TCERG1L: variants seen among roughly 807,000 people sequenced by gnomAD.
The protein encoded by TCERG1L is transcription elongation regulator 1 like, also known as transcription elongation regulator 1-like protein.
TCERG1L carries 37 observed loss-of-function variants against 56.3 expected under a neutral mutation model. That is an observed-to-expected ratio of 0.66 (90% confidence interval 0.51 to 0.87). The LOEUF (loss-of-function observed/expected upper bound fraction) is 0.87, where lower values mean the gene tolerates loss of function less well. Ranked by LOEUF, TCERG1L falls within the 40% of genes least tolerant of loss-of-function variation. The pLI is 0.00. For synonymous variants in TCERG1L, 324 were observed against 326.3 expected, an observed-to-expected ratio of 0.99 and a Z score of 0.08; for missense variants, 799 against 774.2, an observed-to-expected ratio of 1.03 and a Z score of -0.38.
At position 131,191,427 on chromosome 10, in the gene TCERG1L, A is replaced by T. The variant is rs117463142; in HGVS notation, c.857-24542T>A. ...AAAAAAGAGCCCAAATACCCAAAGCAATCCTAAGCAAAACAAACAAATCTG... is the reference window on the plus strand; with the variant it reads ...AAAAAAGAGCCCAAATACCCAAAGCTATCCTAAGCAAAACAAACAAATCTG... On this transcript the variant is annotated intron_variant, in intron 4 of 11. Transcript: ENST00000368642. 8.9e-3 allele frequency among the ~76,000 whole-genome samples: 1,280 copies of T among 144,122 alleles called. 149 individuals carry two copies. In the South Asian group the frequency reaches 0.1, roughly 11 times the overall value. 94.5% of individuals were successfully genotyped at this position (144,122 alleles called of 152,430 possible). A position where few individuals can be genotyped will look rare whatever the true frequency, so the allele number is the denominator to read the frequency against.
At chr10:131,279,219 T>C (rs1359417576) in intron 3 of TCERG1L, among the ~76,000 whole-genome samples, 1 of 152,062 alleles carries the variant, frequency 6.6e-6, no homozygotes, top group East Asian at 1.9e-4. Context: ...TTCCTTTCAA[T>C]TCCAAGCCGC....
At chr10:131,242,598 G>A (rs146498630) in intron 4 of TCERG1L, among the ~76,000 whole-genome samples, 1 of 152,294 alleles carries the variant, frequency 6.6e-6, no homozygotes, top group East Asian at 1.9e-4. Flanking sequence ...GGAAATGCTT[G>A]CAACCAGAAG....
At chr10:131,254,337 T>C in intron 4 of TCERG1L, among the ~76,000 whole-genome samples, 1 of 141,090 alleles carries the variant, frequency 7.1e-6, no homozygotes, top group East Asian at 2.2e-4. Context: ...TATTGATTTA[T>C]TTATTTATTT....
intron 8 of TCERG1L, among the ~76,000 whole-genome samples, chr10:131,130,895 A>C (rs1236516727): frequency 6.6e-6 from 1 of 152,094 alleles, no homozygotes; most frequent in Non-Finnish European, 1.5e-5. Context: ...GCATCCCTGC[A>C]GGGACGGGCA....
chr10:131,244,130 G>A (rs1414291567), intron 4 of TCERG1L, among the ~76,000 whole-genome samples: 1 of 152,194 alleles, frequency 6.6e-6, no homozygotes, highest in Non-Finnish European at 1.5e-5. Context: ...TCGCAAAAAC[G>A]CAAGACATAA....
At chr10:131,176,829 C>A (rs199954790) in intron 4 of TCERG1L, among the ~76,000 whole-genome samples, 1 of 13,904 alleles carries the variant, frequency 7.2e-5, no homozygotes, top group Admixed American at 7.6e-4. Flanking sequence ...CACACAGACA[C>A]GTGTACACAC....
intron 4 of TCERG1L, among the ~76,000 whole-genome samples, chr10:131,250,577 T>C (rs76634898): frequency 0.05 from 7,659 of 152,198 alleles, 257 homozygotes; most frequent in Middle Eastern, 0.099. Context: ...GAGTCCTGGC[T>C]GTCACTCATC....
chr10:131,232,063 G>A (rs1460504980), intron 4 of TCERG1L, among the ~76,000 whole-genome samples: 1 of 152,242 alleles, frequency 6.6e-6, no homozygotes, highest in East Asian at 1.9e-4. Flanking sequence ...CCCCAGAAGG[G>A]GCCATTCTGC....
intron 6 of TCERG1L, 77 bp from the exon 7 acceptor site, chr10:131,146,737 GA>G: frequency 2.7e-6 from 4 of 1,467,126 alleles, no homozygotes; most frequent in Admixed American, 4.3e-5. Flanking sequence ...AACTCTCACT[GA>G]AAAAGCCCCT....
chr10:131,160,153 G>A (rs1003504781), intron 6 of TCERG1L, among the ~76,000 whole-genome samples: 10 of 152,142 alleles, frequency 6.6e-5, no homozygotes, highest in East Asian at 3.9e-4. Flanking sequence ...AAGCTTCTCC[G>A]TCCACTCAAA....
intron 6 of TCERG1L, 71 bp from the exon 7 acceptor site, chr10:131,146,731 C>CTT: frequency 6.6e-7 from 1 of 1,511,664 alleles, no homozygotes; most frequent in Non-Finnish European, 8.9e-7. Flanking sequence ...AGCATGAACT[C>CTT]TCACTGAAAA....
chr10:131,270,183 G>T (rs960783894), intron 3 of TCERG1L, among the ~76,000 whole-genome samples: 1 of 152,158 alleles, frequency 6.6e-6, no homozygotes, highest in Non-Finnish European at 1.5e-5. Flanking sequence ...ATGATATAAC[G>T]TGGGCACCCA....
intron 4 of TCERG1L, among the ~76,000 whole-genome samples, chr10:131,225,454 T>G (rs1276828173): frequency 6.6e-6 from 1 of 152,150 alleles, no homozygotes; most frequent in Non-Finnish European, 1.5e-5. Context: ...GTTTCTCATT[T>G]CTAAAATCCA....
intron 6 of TCERG1L, among the ~76,000 whole-genome samples, chr10:131,153,584 G>A (rs1476642240): frequency 6.6e-6 from 1 of 152,158 alleles, no homozygotes; most frequent in Non-Finnish European, 1.5e-5. Flanking sequence ...TTTACATTTG[G>A]GGATTTATAT....
chr10:131,120,004 G>C (rs1029054216), intron 8 of TCERG1L, among the ~76,000 whole-genome samples: 25 of 152,128 alleles, frequency 1.6e-4, no homozygotes, highest in African/African-American at 5.8e-4. Context: ...CATAGCCCTG[G>C]GCGGGGGTCC....
chr10:131,270,160 T>C (rs2133552208), intron 3 of TCERG1L, among the ~76,000 whole-genome samples: 1 of 152,328 alleles, frequency 6.6e-6, no homozygotes, highest in South Asian at 2.1e-4. Flanking sequence ...CACCTGGCTC[T>C]GGGACTGGAA....
At chr10:131,128,342 C>T (rs1589722876) in intron 8 of TCERG1L, among the ~76,000 whole-genome samples, 1 of 152,126 alleles carries the variant, frequency 6.6e-6, no homozygotes, top group African/African-American at 2.4e-5. Flanking sequence ...CAGGTGACTC[C>T]AAGCCACGAA....
intron 3 of TCERG1L, among the ~76,000 whole-genome samples, chr10:131,262,718 G>C (rs1846247012): frequency 6.6e-6 from 1 of 152,120 alleles, no homozygotes; most frequent in Non-Finnish European, 1.5e-5. Context: ...GGTTTGGACA[G>C]AGGCATTGTA....
At chr10:131,140,745 G>A (rs1845728298) in intron 7 of TCERG1L, among the ~76,000 whole-genome samples, 1 of 152,210 alleles carries the variant, frequency 6.6e-6, no homozygotes, top group African/African-American at 2.4e-5. Context: ...AGGCAAACAA[G>A]GGCGGGCACC....
Sources: allele counts gnomAD v4.1 joint callset (sites outside exome capture counted in the v4.1 genomes callset), GRCh38; gene constraint gnomAD v4.1.1; transcripts MANE v1.5; gene names NCBI Gene and HGNC (gene_info 2026-07-23, HGNC 2026-07-21).